Variants in MGAT4C observed in about 807,000 individuals in gnomAD.
MGAT4C encodes alpha-1,3-mannosyl-glycoprotein 4-beta-N-acetylglucosaminyltransferase C.
In MGAT4C, 19 loss-of-function variants were observed where a neutral mutation model predicts 40.1. That is an observed-to-expected ratio of 0.47 (90% CI 0.33 to 0.70). The LOEUF (loss-of-function observed/expected upper bound fraction) is 0.70. Among genes scored for constraint, MGAT4C ranks in the 30% least tolerant of loss-of-function variants. The probability of loss-of-function intolerance (pLI) is 0.02; values close to 1 mark genes in which losing one functional copy is unlikely to be tolerated. For missense variants in MGAT4C, 491 were observed against 563.2 expected (o/e 0.87, Z 1.30); for synonymous variants, 181 against 187.1 (o/e 0.97, Z 0.27).
rs540454759 is a variant in MGAT4C, at chr12:86,226,997, A to T, written c.-57+29242T>A. ...CACTTTGTCTTTATCCACTCTTTAA[A>T]CTCCTTTCAGTGAACTTTAAACTTC... On this transcript the variant is annotated intron_variant, in intron 1 of 4. Transcript: ENST00000611864. Among the ~76,000 whole-genome samples the T allele has an allele frequency of 5.9e-5, 9 of 151,378 alleles. 1 individual carries two copies. The East Asian group carries it at 1.8e-3, about 29-fold the overall frequency.
At chr12:86,383,068 C>T (rs1292627092) in intron 3 of MGAT4C, among the ~76,000 whole-genome samples, 9 of 152,196 alleles carry the variant, frequency 5.9e-5, no homozygotes, top group Non-Finnish European at 1.2e-4. Context: ...GATCCACTGA[C>T]AGCCTGCATT....
intron 1 of MGAT4C, among the ~76,000 whole-genome samples, chr12:86,804,460 G>GA (rs201158730): frequency 0.07 from 9,307 of 133,744 alleles, 300 homozygotes; most frequent in Non-Finnish European, 0.078. Flanking sequence ...AAAGAAAGAA[G>GA]AAAAAAATAT....
chr12:86,483,454 T>A (rs1957968739), intron 2 of MGAT4C, among the ~76,000 whole-genome samples: 1 of 152,096 alleles, frequency 6.6e-6, no homozygotes, highest in Non-Finnish European at 1.5e-5. Flanking sequence ...GATGAGTGTG[T>A]ATTGTTTCTA....
At chr12:86,294,877 T>A (rs1265998049) in intron 4 of MGAT4C, among the ~76,000 whole-genome samples, 1 of 152,174 alleles carries the variant, frequency 6.6e-6, no homozygotes, top group Admixed American at 6.5e-5. Flanking sequence ...TCCTTCTCTA[T>A]TACAATGAAA....
intron 2 of MGAT4C, among the ~76,000 whole-genome samples, chr12:86,726,015 C>A (rs921390412): frequency 6.6e-6 from 1 of 152,134 alleles, no homozygotes; most frequent in African/African-American, 2.4e-5. Flanking sequence ...CACTTCAAAT[C>A]CTTCACAAAA....
intron 2 of MGAT4C, among the ~76,000 whole-genome samples, chr12:86,568,575 G>C (rs1485967112): frequency 2.5e-5 from 3 of 119,850 alleles, no homozygotes; most frequent in African/African-American, 9.2e-5. Context: ...TATCCTGTTA[G>C]TTCTCTCCCT....
At chr12:86,062,434 A>G (rs563061745) in intron 1 of MGAT4C, among the ~76,000 whole-genome samples, 92 of 152,158 alleles carry the variant, frequency 6.0e-4, no homozygotes, top group Non-Finnish European at 1.2e-3. Flanking sequence ...CCAGTGCAAA[A>G]AGGCTGAAAA....
chr12:86,180,976 C>T (rs1437073457), intron 1 of MGAT4C, among the ~76,000 whole-genome samples: 1 of 152,092 alleles, frequency 6.6e-6, no homozygotes, highest in African/African-American at 2.4e-5. Flanking sequence ...CCACCCAAGT[C>T]TCAACTTGAA....
chr12:86,224,862 CTT>C (rs975885896), intron 1 of MGAT4C, among the ~76,000 whole-genome samples: 2 of 151,948 alleles, frequency 1.3e-5, no homozygotes, highest in Non-Finnish European at 2.9e-5. Context: ...AACAATCTAA[CTT>C]TGTACATTAA....
At chr12:86,338,481 G>C (rs1566300481) in intron 3 of MGAT4C, among the ~76,000 whole-genome samples, 1 of 152,284 alleles carries the variant, frequency 6.6e-6, no homozygotes, top group African/African-American at 2.4e-5. Flanking sequence ...AGGCAGTTGA[G>C]TTCCCCGGTA....
chr12:86,005,308 G>GA (rs1887762724), intron 2 of MGAT4C, among the ~76,000 whole-genome samples: 1 of 152,000 alleles, frequency 6.6e-6, no homozygotes, highest in African/African-American at 2.4e-5. Flanking sequence ...GTAAACTATT[G>GA]AGTATTCTTA....
rs1411888670 is a variant in MGAT4C, at chr12:86,055,282, G to A, written c.-56-5559C>T. ...GTTAGAAATTGAGTGATACTAAAAT[G>A]CCTAAGATTAATTTCTGGGCTTCAG... On this transcript the variant is annotated intron_variant, in intron 1 of 4. Transcript: ENST00000611864. Among the ~76,000 whole-genome samples, 3 of 151,984 alleles carry A rather than the reference G, an allele frequency of 2.0e-5. No homozygotes were observed. The East Asian group carries it at 5.8e-4, about 29-fold the overall frequency.
intron 2 of MGAT4C, among the ~76,000 whole-genome samples, chr12:86,564,446 C>T (rs1359812564): frequency 6.6e-6 from 1 of 152,158 alleles, no homozygotes; most frequent in East Asian, 1.9e-4. Context: ...CTTGGTCATT[C>T]TTCCCTTCCA....
chr12:86,509,652 A>T (rs1382759037), intron 2 of MGAT4C, among the ~76,000 whole-genome samples: 1 of 152,140 alleles, frequency 6.6e-6, no homozygotes, highest in Non-Finnish European at 1.5e-5. Context: ...TACCTTGGGC[A>T]GTATGGCCAT....
At chr12:86,595,929 T>A (rs1961520469) in intron 2 of MGAT4C, among the ~76,000 whole-genome samples, 1 of 152,118 alleles carries the variant, frequency 6.6e-6, no homozygotes, top group Non-Finnish European at 1.5e-5. Flanking sequence ...AACAGTTACA[T>A]ATACTGGGAG....
At chr12:86,569,899 A>G (rs1960292047) in intron 2 of MGAT4C, among the ~76,000 whole-genome samples, 1 of 152,180 alleles carries the variant, frequency 6.6e-6, no homozygotes, top group Admixed American at 6.6e-5. Flanking sequence ...ACTATCTAAG[A>G]CAATATGGAT....
chr12:86,745,703 A>G (rs1156769175), intron 1 of MGAT4C, among the ~76,000 whole-genome samples: 1 of 151,708 alleles, frequency 6.6e-6, no homozygotes, highest in Non-Finnish European at 1.5e-5. Context: ...TGAATGAATG[A>G]GTAAATCTGG....
chr12:86,354,266 AC>A (rs1192087383), intron 3 of MGAT4C, among the ~76,000 whole-genome samples: 27 of 152,204 alleles, frequency 1.8e-4, no homozygotes, highest in African/African-American at 1.2e-4. Context: ...AACAAAACAA[AC>A]AAAAAAATCT....
At chr12:86,532,613 T>C (rs1241035604) in intron 2 of MGAT4C, among the ~76,000 whole-genome samples, 1 of 152,012 alleles carries the variant, frequency 6.6e-6, no homozygotes, top group African/African-American at 2.4e-5. Context: ...CCTCATGTAT[T>C]AAATTTAGTT....
Sources: gnomAD v4.1 joint callset for allele counts (sites outside exome capture counted in the v4.1 genomes callset) on GRCh38, gnomAD v4.1.1 for gene constraint, MANE v1.5 for transcripts, NCBI Gene and HGNC (gene_info 2026-07-23, HGNC 2026-07-21) for gene names.